THOC7: variants seen among roughly 807,000 people sequenced by gnomAD.
THOC7 encodes NIF3L1-binding protein 1.
Under a neutral mutation model 33.1 loss-of-function variants are expected in THOC7, and 22 were observed. That is an observed-to-expected ratio of 0.66 (90% CI 0.47 to 0.95). THOC7 has a LOEUF of 0.95. Ranked by LOEUF, THOC7 falls within the 40% of genes least tolerant of loss-of-function variation. THOC7 has a pLI of 0.00. For synonymous variants in THOC7, 77 were observed against 76.8 expected (o/e 1.00, Z -0.01); for missense variants, 184 against 245.3 (o/e 0.75, Z 1.67).
chr3:63,864,058 G>A (rs1480679821), upstream of THOC7, among the ~76,000 whole-genome samples: 1 of 145,468 alleles, frequency 6.9e-6, no homozygotes, highest in Non-Finnish European at 1.5e-5. Context: ...CTTGGCGGCC[G>A]GCGGCGGCCC....
In THOC7 at chr3:63,839,640, A is replaced by G; in HGVS notation, c.137+16T>C. On this transcript the variant is annotated intron_variant, in intron 2 of 7. Coordinates refer to ENST00000295899, the MANE Select transcript of THOC7 (RefSeq NM_025075.4). ...ATTAGGACACTGGTATGGAAACAAC[A>G]GTGAAAATGAAATACCCCTCTTCCT... 1 of 1,602,902 alleles carries G rather than the reference A, an allele frequency of 6.2e-7. No homozygotes were observed. Among genetic ancestry groups the G allele is most frequent in the South Asian group, 1.1e-5 (1 of 90,822 alleles).
intron 1 of THOC7, among the ~76,000 whole-genome samples, chr3:63,855,052 G>A (rs899236575): frequency 6.6e-6 from 1 of 151,738 alleles, no homozygotes; most frequent in African/African-American, 2.4e-5. Context: ...TTAACTTCAC[G>A]TATTAATTAG....
intron 1 of THOC7, among the ~76,000 whole-genome samples, chr3:63,858,885 C>T (rs954297652): frequency 1.3e-5 from 2 of 152,156 alleles, no homozygotes; most frequent in Non-Finnish European, 2.9e-5. Flanking sequence ...TATAGCTACT[C>T]TAAAGCAGGG....
chr3:63,839,720 G>T lies in THOC7; in HGVS notation c.73C>A (p.Arg25=), dbSNP rs1158113538. The change falls in exon 2 of 8, where the codon CGG becomes AGG. Residue 25 remains arginine (R), a synonymous_variant. Coordinates refer to ENST00000295899, the MANE Select transcript of THOC7 (RefSeq NM_025075.4). ...CTCTTCACTAGCAGATTAATTCTCC[G>T]ATCATCTCCAGCACCATCTCCATCA... is the stretch of plus-strand genomic sequence containing the variant. The part of the protein sequence containing the change: ...LIDGDGAGDD[R]RINLLVKSFI... The T allele has an allele frequency of 6.2e-7, 1 of 1,613,012 alleles. No individual in the cohort carries two copies. Among genetic ancestry groups the T allele is most frequent in the Non-Finnish European group, 8.5e-7 (1 of 1,179,942 alleles).
At chr3:63,856,866 C>G (rs181823942) in intron 1 of THOC7, among the ~76,000 whole-genome samples, 1 of 152,200 alleles carries the variant, frequency 6.6e-6, no homozygotes, top group African/African-American at 2.4e-5. Flanking sequence ...TACAGGCGCC[C>G]GCTACCACGC....
At chr3:63,863,738 C>T in intron 1 of THOC7, 34 bp downstream of exon 1, 1 of 1,249,370 alleles carries the variant, frequency 8.0e-7, no homozygotes, top group Non-Finnish European at 1.0e-6. Flanking sequence ...GCGGGCCGTG[C>T]AGCGGGCGCG....
intron 1 of THOC7, among the ~76,000 whole-genome samples, chr3:63,845,867 C>A (rs1401369941): frequency 6.6e-6 from 1 of 152,088 alleles, no homozygotes; most frequent in Non-Finnish European, 1.5e-5. Context: ...TTACAAATGG[C>A]AAAATCTTAC....
At chr3:63,853,136 A>T (rs1455834502) in intron 1 of THOC7, among the ~76,000 whole-genome samples, 1 of 150,356 alleles carries the variant, frequency 6.7e-6, no homozygotes, top group African/African-American at 2.5e-5. Flanking sequence ...GGGTGGCAGA[A>T]TGAGACTCTG....
At chr3:63,863,428 C>T (rs1702283571) in intron 1 of THOC7, 7 of 1,099,944 alleles carry the variant, frequency 6.4e-6, no homozygotes, top group Admixed American at 5.2e-5. Context: ...TCTGGTCCCA[C>T]CCGCCCTTGC....
intron 7 of THOC7, among the ~76,000 whole-genome samples, 174 bp from the exon 8 acceptor site, chr3:63,834,373 A>G (rs79275772): frequency 6.6e-6 from 1 of 152,052 alleles, no homozygotes; most frequent in African/African-American, 2.4e-5. Flanking sequence ...AAAAAAAAAA[A>G]TCCAGGCAGG....
rs11539920 is a variant in THOC7, at chr3:63,838,457, A to T, written c.180T>A (p.Cys60Ter). 6.2e-7 allele frequency: 1 copy of T among 1,610,464 alleles called. No homozygotes were observed. Among genetic ancestry groups the T allele is most frequent in the East Asian group, 2.2e-5 (1 of 44,674 alleles). Residue 60 changes from cysteine (C) to a stop codon, truncating the protein, a stop_gained, in exon 3 of 8, where the codon TGT becomes TGA. Coordinates refer to ENST00000295899, the MANE Select transcript of THOC7 (RefSeq NM_025075.4). LOFTEE classifies it high-confidence loss of function. ...YQRMLSTLSQCEFSMGKTLLV... is the reference protein window; with the variant it reads ...YQRMLSTLSQ ...GTAAAGTTTTGCCCATTGAAAATTC[A>T]CATTGAGACAGCGTGCTCAGCATAC...
chr3:63,839,833 C>A, intron 1 of THOC7, 60 bp from the exon 2 acceptor site: 3 of 1,333,430 alleles, frequency 2.2e-6, no homozygotes, highest in Non-Finnish European at 3.2e-6. Context: ...GTACAAATAA[C>A]CAGTATCACT....
chr3:63,835,011 T>C (rs1701600374), intron 7 of THOC7, 143 bp downstream of exon 7: 1 of 728,236 alleles, frequency 1.4e-6, no homozygotes. Context: ...AAGTTGAACA[T>C]GAGTACCTTC....
chr3:63,852,097 A>G (rs549920333), intron 1 of THOC7, among the ~76,000 whole-genome samples: 1 of 152,194 alleles, frequency 6.6e-6, no homozygotes, highest in Non-Finnish European at 1.5e-5. Context: ...AGCTTGACTT[A>G]CTACTTGGGA....
intron 1 of THOC7, among the ~76,000 whole-genome samples, chr3:63,851,557 CAA>C (rs1702019991): frequency 6.6e-6 from 1 of 152,210 alleles, no homozygotes; most frequent in African/African-American, 2.4e-5. Flanking sequence ...GCTAATTTCC[CAA>C]AGAGGCCAGT....
Position 63,835,366 on chromosome 3 carries a change from T to A in THOC7, c.435A>T (p.Glu145Asp), listed in dbSNP as rs747974118. The A allele has an allele frequency of 3.1e-6, 5 of 1,613,548 alleles. No homozygotes were observed. The highest frequency in any genetic ancestry group is 4.2e-6 in the Non-Finnish European group (5 of 1,179,766). ...CTTTAATGTGTGAAAGATGCTCTAA[T>A]TCTTTTCCCAGAGCCTCTAGTTCCC... ...TLKELEALGKELEHLSHIKES... is the reference protein window; with the variant it reads ...TLKELEALGKDLEHLSHIKES... Residue 145 changes from glutamate to aspartate, a missense_variant, in exon 6 of 8, where the codon GAA (glutamate) becomes GAT (aspartate). By Grantham distance (45) the Glu-to-Asp change is conservative (BLOSUM62 2). This residue lies in a region of THOC7 where 157 missense variants were observed against 201.3 expected (regional missense o/e 0.78). Coordinates refer to ENST00000295899, the MANE Select transcript of THOC7 (RefSeq NM_025075.4).
chr3:63,859,564 C>A (rs934606095), intron 1 of THOC7, among the ~76,000 whole-genome samples: 46 of 152,222 alleles, frequency 3.0e-4, no homozygotes, highest in Non-Finnish European at 1.3e-4. Context: ...TCACTGCCCT[C>A]CCCCATTACT....
upstream of THOC7, among the ~76,000 whole-genome samples, chr3:63,864,090 C>T (rs1465502724): frequency 2.1e-5 from 3 of 146,298 alleles, no homozygotes; most frequent in African/African-American, 4.9e-5. Flanking sequence ...CGGGCTCCCG[C>T]CGCCCCCCTT....
rs1701884179 is a variant in THOC7, at chr3:63,845,937, T to A, written c.20-6164A>T. Among the ~76,000 whole-genome samples the A allele has an allele frequency of 2.6e-5, 4 of 152,274 alleles. 1 individual carries two copies. Among genetic ancestry groups the A allele is most frequent in the Non-Finnish European group, 4.4e-5 (3 of 68,028 alleles). On this transcript the variant is annotated intron_variant, in intron 1 of 7. Transcript: ENST00000295899. ...GAATGTTCCACATGAAAAAGACTAT[T>A]CATCTAAGAAGTGCACTCGAACCCC...
Sources: gnomAD v4.1 joint callset for allele counts (sites outside exome capture counted in the v4.1 genomes callset) on GRCh38, gnomAD v4.1.1 for gene constraint, gnomAD v4.1.1 regional missense constraint, MANE v1.5 for transcripts, NCBI Gene and HGNC (gene_info 2026-07-23, HGNC 2026-07-21) for gene names.